The following VPS53 variants were observed in gnomAD, a reference collection of about 807,000 sequenced individuals.
The protein encoded by VPS53 is VPS53 subunit of GARP complex, also known as vacuolar protein sorting-associated protein 53 homolog.
VPS53 carries 70 observed loss-of-function variants against 107.0 expected under a neutral mutation model. The ratio of observed to expected loss-of-function variants is 0.65; its 90% CI spans 0.54 to 0.80. The LOEUF (loss-of-function observed/expected upper bound fraction) is 0.80, where lower values mean the gene tolerates loss of function less well. VPS53 is among the 30% of genes least tolerant of loss of function. The pLI is 0.00. For missense variants in VPS53, 917 were observed against 1,049.4 expected (o/e 0.87, Z 1.74); for synonymous variants, 409 against 393.3 (o/e 1.04, Z -0.47).
intron 2 of VPS53, among the ~76,000 whole-genome samples, chr17:699,947 T>C (rs1973131863): frequency 6.6e-6 from 1 of 152,172 alleles, no homozygotes; most frequent in East Asian, 1.9e-4. Flanking sequence ...GTAGTGACAG[T>C]GAACAGGCAA....
intron 13 of VPS53, among the ~76,000 whole-genome samples, chr17:565,575 C>T (rs1363524757): frequency 6.6e-6 from 1 of 152,046 alleles, no homozygotes; most frequent in African/African-American, 2.4e-5. Flanking sequence ...TTCATGGCCA[C>T]CACTCTTGTT....
rs372128432 is a variant in VPS53 at position 646,396 on chromosome 17, T to C, written c.608+6895A>G. The stretch of plus-strand genomic sequence containing the variant: ...CACATCTCCGTGACCGTGTGGCCAC[T>C]GCCTCCTAAGGGTCTTATCTTTTCT... On this transcript the variant is annotated intron_variant, in intron 7 of 21. Coordinates refer to ENST00000437048, the MANE Select transcript of VPS53 (RefSeq NM_001128159.3). 8.1e-3 allele frequency among the ~76,000 whole-genome samples: 1,046 copies of C among 129,614 alleles called. 59 individuals carry two copies. Among genetic ancestry groups the C allele is most frequent in the South Asian group, 0.014 (55 of 3,832 alleles). 85.0% of individuals were successfully genotyped at this position (129,614 alleles called of 152,430 possible).
At position 537,100 on chromosome 17, in the gene VPS53, T is replaced by C; in HGVS notation, c.1943A>G (p.Asn648Ser). ...VTSVILHIKQ[N>S]VPIIRDNLAS... ...CAGGTTGTCACGGATGATGGGGACGTTCTGCTTGATGTGCAGAATGACAGA... is the reference window on the plus strand; with the variant it reads ...CAGGTTGTCACGGATGATGGGGACGCTCTGCTTGATGTGCAGAATGACAGA... Residue 648 changes from asparagine to serine, a missense_variant, in exon 18 of 22, where the codon AAC becomes AGC. Asn to Ser is a conservative substitution (Grantham distance 46). Transcript: ENST00000437048. 6.2e-7 allele frequency: 1 copy of C among 1,614,174 alleles called. No homozygotes were observed. Among genetic ancestry groups the C allele is most frequent in the Non-Finnish European group, 8.5e-7 (1 of 1,180,040 alleles).
At chr17:609,718 A>G (rs1968754357) in intron 11 of VPS53, among the ~76,000 whole-genome samples, 1 of 152,240 alleles carries the variant, frequency 6.6e-6, no homozygotes, top group Admixed American at 6.5e-5. Flanking sequence ...TCACAACTTG[A>G]GCCGATAATT....
intron 4 of VPS53, among the ~76,000 whole-genome samples, chr17:678,592 G>A (rs1006478452): frequency 9.4e-5 from 14 of 149,344 alleles, no homozygotes; most frequent in Non-Finnish European, 1.9e-4. Flanking sequence ...TCAGCTTCCC[G>A]GGTAGCTGGG....
At chr17:604,315 A>G (rs926350580) in intron 11 of VPS53, among the ~76,000 whole-genome samples, 1 of 152,110 alleles carries the variant, frequency 6.6e-6, no homozygotes, top group African/African-American at 2.4e-5. Flanking sequence ...GTAAAGCATC[A>G]AGAAAACGCA....
At chr17:692,720 T>C (rs1349413607) in intron 4 of VPS53, among the ~76,000 whole-genome samples, 1 of 152,192 alleles carries the variant, frequency 6.6e-6, no homozygotes, top group Non-Finnish European at 1.5e-5. Flanking sequence ...GAAGCACACC[T>C]AGCCGGGTGC....
intron 14 of VPS53, 36 bp from the exon 15 acceptor site, chr17:560,609 T>C (rs772082540): frequency 6.3e-7 from 1 of 1,595,138 alleles, no homozygotes; most frequent in Non-Finnish European, 8.6e-7. Context: ...CAGCATGGAA[T>C]TTCTAATTTG....
intron 13 of VPS53, among the ~76,000 whole-genome samples, chr17:568,340 C>T (rs1302046658): frequency 6.6e-6 from 1 of 152,132 alleles, no homozygotes; most frequent in African/African-American, 2.4e-5. Flanking sequence ...CTCCCAGGCT[C>T]CAGCAATCCT....
rs11361535 is a variant in VPS53 at position 515,956 on chromosome 17, C to CTTTTTTTTTTTTTTTTTTT, written c.*3153_*3171dup. The CTTTTTTTTTTTTTTTTTTT allele has an allele frequency of 1.5e-4, 16 of 109,588 alleles. No homozygotes were observed. The highest frequency in any genetic ancestry group is 3.0e-4 in the East Asian group (1 of 3,308). The allele number at this position is 109,588 out of a possible 1,614,324, so 6.8% of individuals were successfully genotyped here. ...ATTACAGGCACCCGCCACCTGCCTG[C>CTTTTTTTTTTTTTTTTTTT]TTTTTTTTTTTTTTTTTTTGTATTT... On this transcript the variant is annotated 3_prime_UTR_variant, in exon 22 of 22. Coordinates refer to ENST00000437048, the MANE Select transcript of VPS53 (RefSeq NM_001128159.3).
intron 19 of VPS53, among the ~76,000 whole-genome samples, chr17:529,882 A>C (rs1342110794): frequency 6.6e-6 from 1 of 151,828 alleles, no homozygotes; most frequent in Non-Finnish European, 1.5e-5. Flanking sequence ...AAAAAAAAAA[A>C]AAGAGCCAGC....
intron 14 of VPS53, among the ~76,000 whole-genome samples, chr17:561,151 TGGA>T (rs769974643): frequency 5.9e-5 from 9 of 152,210 alleles, no homozygotes; most frequent in Non-Finnish European, 1.3e-4. Flanking sequence ...TGTGTGCTTG[TGGA>T]GGAGGACATA....
In VPS53 at chr17:648,728, C is replaced by A. The variant is rs112857242; in HGVS notation, c.608+4563G>T. ...GGAGGACAGAGGAATGGAACAGGCA[C>A]TGAAGATCTTACACTATAGGACAGA... On this transcript the variant is annotated intron_variant, in intron 7 of 21. Transcript: ENST00000437048. 7.8e-3 allele frequency among the ~76,000 whole-genome samples: 1,058 copies of A among 136,260 alleles called. 18 individuals are homozygous for A. Among genetic ancestry groups the A allele is most frequent in the African/African-American group, 0.027 (961 of 36,208 alleles). The allele number at this position is 136,260 out of a possible 152,430, so 89.4% of individuals were successfully genotyped here. A position where few individuals can be genotyped will look rare whatever the true frequency, so the allele number is the denominator to read the frequency against.
At chr17:599,812 C>T (rs930532848) in intron 12 of VPS53, 7 of 152,650 alleles carry the variant, frequency 4.6e-5, no homozygotes, top group African/African-American at 7.2e-5. Flanking sequence ...CTGCTCTGAT[C>T]GCAGGGATCT....
At chr17:705,489 C>G (rs1391907713) in intron 2 of VPS53, 1 of 152,204 alleles carries the variant, frequency 6.6e-6, no homozygotes, top group Non-Finnish European at 1.5e-5. Flanking sequence ...GTAATCCCAG[C>G]ACTTTGGGAG....
intron 15 of VPS53, among the ~76,000 whole-genome samples, chr17:556,933 G>GCCTCTCC (rs1429126606): frequency 6.6e-6 from 1 of 152,038 alleles, no homozygotes; most frequent in African/African-American, 2.4e-5. Context: ...GGCCAGGAGG[G>GCCTCTCC]GCTCTCTGAG....
intron 8 of VPS53, among the ~76,000 whole-genome samples, chr17:631,080 C>A (rs1001892372): frequency 1.5e-4 from 23 of 151,992 alleles, no homozygotes; most frequent in African/African-American, 5.6e-4. Flanking sequence ...AGCTCAAGGG[C>A]ATGAATTCCG....
rs941298040 is a variant in VPS53 at position 511,437 on chromosome 17, G to A, written c.*7691C>T. On this transcript the variant is annotated 3_prime_UTR_variant, in exon 22 of 22. Transcript: ENST00000437048. ...ATTGTGCAAATTCCATTTGATGACT[G>A]AGCAGAAGCTCCCAGAACCCTCGGA... The A allele has an allele frequency of 6.6e-6, 1 of 152,212 alleles. No homozygotes were observed. The highest frequency in any genetic ancestry group is 2.4e-5 in the African/African-American group (1 of 41,436). 9.4% of individuals were successfully genotyped at this position (152,212 alleles called of 1,614,324 possible).
At chr17:635,093 T>A (rs189931619) in intron 7 of VPS53, among the ~76,000 whole-genome samples, 22 of 152,338 alleles carry the variant, frequency 1.4e-4, no homozygotes, top group African/African-American at 5.1e-4. Flanking sequence ...CCATTCTAAC[T>A]GGTGTGAGAT....
Sources: allele counts gnomAD v4.1 joint callset (sites outside exome capture counted in the v4.1 genomes callset), GRCh38; gene constraint gnomAD v4.1.1; transcripts MANE v1.5; gene names NCBI Gene and HGNC (gene_info 2026-07-23, HGNC 2026-07-21).